Variants in SOBP observed in about 807,000 individuals in gnomAD.
SOBP encodes sine oculis binding protein homolog.
In SOBP, 4 loss-of-function variants were observed where a neutral mutation model predicts 53.6. The observed-to-expected ratio is 0.07, with a 90% CI of 0.04 to 0.17. The LOEUF (loss-of-function observed/expected upper bound fraction) is 0.17, where lower values mean the gene tolerates loss of function less well. Ranked by LOEUF, SOBP falls within the 10% of genes least tolerant of loss-of-function variation. The probability of loss-of-function intolerance (pLI) is 1.00; values close to 1 mark genes in which losing one functional copy is unlikely to be tolerated. For missense variants in SOBP, 1,088 were observed against 1,204.7 expected (o/e 0.90, Z 1.43); for synonymous variants, 584 against 522.6 (o/e 1.12, Z -1.60).
chr6:107,579,994 A>G (rs897741698), intron 4 of SOBP, among the ~76,000 whole-genome samples: 13 of 152,228 alleles, frequency 8.5e-5, no homozygotes, highest in Admixed American at 3.9e-4. Context: ...TACAGCCTAC[A>G]TACTAAATGG....
intron 2 of SOBP, among the ~76,000 whole-genome samples, chr6:107,505,349 G>A (rs2114947703): frequency 6.6e-6 from 1 of 151,980 alleles, no homozygotes; most frequent in East Asian, 1.9e-4. Context: ...CTGAGACAGA[G>A]TCTTGCTCTG....
rs377103123 is a variant in SOBP, at chr6:107,533,473, A to C, written c.436A>C (p.Asn146His). 1 of 1,613,998 alleles carries C rather than the reference A, an allele frequency of 6.2e-7. No homozygotes were observed. Among genetic ancestry groups the C allele is most frequent in the Non-Finnish European group, 8.5e-7 (1 of 1,180,022 alleles). ...TTTTATTATAGAAGATGATGTGTCA[A>C]ATGTACAAATAATGTGTGCCTGGTG... ...IKPPAEDDVS[N>H]VQIMCAWCQK... is the part of the protein sequence containing the mutation. The change falls in exon 4 of 7, where the codon AAT becomes CAT. Residue 146 changes from asparagine to histidine, a missense_variant. Physicochemically the swap from Asn to His is moderately conservative, Grantham distance 68. Transcript: ENST00000317357.
chr6:107,499,715 A>C (rs567530009), intron 1 of SOBP, among the ~76,000 whole-genome samples: 2 of 152,362 alleles, frequency 1.3e-5, no homozygotes, highest in East Asian at 1.9e-4. Context: ...ATTTTACAGA[A>C]TCCTAAAACT....
chr6:107,565,521 C>G (rs1371235039), intron 4 of SOBP, among the ~76,000 whole-genome samples: 44 of 140,298 alleles, frequency 3.1e-4, no homozygotes, highest in African/African-American at 1.2e-3. Flanking sequence ...CGGGGGTGGG[C>G]GGAGAGAGAA....
chr6:107,537,048 T>C (rs1189799837), intron 4 of SOBP, among the ~76,000 whole-genome samples: 1 of 152,226 alleles, frequency 6.6e-6, no homozygotes, highest in South Asian at 2.1e-4. Context: ...TTTTTGGACT[T>C]GAGAGCATTT....
At chr6:107,507,131 T>A (rs1366040684) in intron 3 of SOBP, among the ~76,000 whole-genome samples, 1 of 151,974 alleles carries the variant, frequency 6.6e-6, no homozygotes, top group Non-Finnish European at 1.5e-5. Context: ...ACATCTCCTC[T>A]GGGGTCTTCT....
chr6:107,531,378 T>G (rs7740000), intron 3 of SOBP, among the ~76,000 whole-genome samples: 31 of 152,352 alleles, frequency 2.0e-4, no homozygotes, highest in African/African-American at 6.7e-4. Context: ...TTCAGGAATT[T>G]AAGATTTTAA....
At chr6:107,504,880 G>A in intron 2 of SOBP, among the ~76,000 whole-genome samples, 1 of 152,170 alleles carries the variant, frequency 6.6e-6, no homozygotes, top group East Asian at 1.9e-4. Flanking sequence ...TCATGAGTTT[G>A]TATTCTATAA....
rs146543724 is a variant in SOBP, at chr6:107,633,474, C to T, written c.670-40C>T. 1,610 of 1,613,144 alleles carry T rather than the reference C, an allele frequency of 1.0e-3. 25 individuals are homozygous for T. The Admixed American group carries it at 0.02, about 20-fold the overall frequency. ...AAACGTCATCTACCCAGGTAAATTG[C>T]TTGTCTTACCTGTTGTGGTTTTTTA... On this transcript the variant is annotated intron_variant, in intron 5 of 6. Coordinates refer to ENST00000317357, the MANE Select transcript of SOBP (RefSeq NM_018013.4).
At chr6:107,652,483 A>G (rs1279374934) in intron 6 of SOBP, among the ~76,000 whole-genome samples, 1 of 152,250 alleles carries the variant, frequency 6.6e-6, no homozygotes. Flanking sequence ...ATGAACAAAG[A>G]AATTGGTTTC....
At chr6:107,546,484 G>C (rs952576392) in intron 4 of SOBP, among the ~76,000 whole-genome samples, 2 of 152,184 alleles carry the variant, frequency 1.3e-5, no homozygotes, top group Admixed American at 6.5e-5. Flanking sequence ...TGGGGTGCAA[G>C]GGCATCCAGC....
At chr6:107,650,099 A>G (rs1485368879) in intron 6 of SOBP, among the ~76,000 whole-genome samples, 1 of 152,222 alleles carries the variant, frequency 6.6e-6, no homozygotes, top group Non-Finnish European at 1.5e-5. Context: ...GATATAGCTA[A>G]AAGAAAAAGT....
At chr6:107,528,219 A>G (rs1783720205) in intron 3 of SOBP, among the ~76,000 whole-genome samples, 1 of 152,252 alleles carries the variant, frequency 6.6e-6, no homozygotes, top group Non-Finnish European at 1.5e-5. Flanking sequence ...CATAAGAAAC[A>G]TTTAGCCAAA....
chr6:107,630,442 G>A lies in SOBP; in HGVS notation c.670-3072G>A, dbSNP rs1583289859. 3.3e-5 allele frequency among the ~76,000 whole-genome samples: 5 copies of A among 152,294 alleles called. No individual in the cohort carries two copies. The South Asian group carries it at 6.2e-4, about 19-fold the overall frequency. The stretch of plus-strand genomic sequence containing the variant: ...TTTTCATCTAACTACCACATCTTAA[G>A]TAATCAGTTCAGGCTCTTATGATGA... On this transcript the variant is annotated intron_variant, in intron 5 of 6. Transcript: ENST00000317357.
intron 5 of SOBP, among the ~76,000 whole-genome samples, chr6:107,601,961 G>C (rs982386212): frequency 6.6e-6 from 1 of 152,172 alleles, no homozygotes; most frequent in South Asian, 2.1e-4. Flanking sequence ...TAGTCCAGTG[G>C]TGTGTAATTG....
intron 1 of SOBP, among the ~76,000 whole-genome samples, chr6:107,502,801 C>T (rs917352331): frequency 1.3e-5 from 2 of 152,086 alleles, no homozygotes; most frequent in African/African-American, 4.8e-5. Context: ...TGCCCTGTTG[C>T]CCAGGCTGGA....
At chr6:107,656,317 A>AAGACAGAAAGACAGAAAGAC in intron 6 of SOBP, among the ~76,000 whole-genome samples, 2 of 39,520 alleles carry the variant, frequency 5.1e-5, no homozygotes, top group African/African-American at 1.4e-4. Flanking sequence ...GAAAGAAAGA[A>AAGACAGAAAGACAGAAAGAC]AGAAAGAAAG....
chr6:107,576,031 C>G (rs1378209266), intron 4 of SOBP, among the ~76,000 whole-genome samples: 1 of 152,176 alleles, frequency 6.6e-6, no homozygotes, highest in East Asian at 1.9e-4. Flanking sequence ...TTTGGCTCCT[C>G]AGAGAGGCTC....
At chr6:107,638,040 G>A (rs969096402) in intron 6 of SOBP, among the ~76,000 whole-genome samples, 4 of 152,040 alleles carry the variant, frequency 2.6e-5, no homozygotes, top group Non-Finnish European at 5.9e-5. Context: ...TGTCAGCTAC[G>A]AAAGGGTGAC....
Sources: gnomAD v4.1 joint callset for allele counts (sites outside exome capture counted in the v4.1 genomes callset) on GRCh38, gnomAD v4.1.1 for gene constraint, MANE v1.5 for transcripts, NCBI Gene and HGNC (gene_info 2026-07-23, HGNC 2026-07-21) for gene names.